Variants in GPR176 observed in about 807,000 individuals in gnomAD.
The protein encoded by GPR176 is G-protein coupled receptor 176.
A neutral mutation model predicts 35.4 loss-of-function variants in GPR176; 26 were observed. That is an observed-to-expected ratio of 0.74 (90% CI 0.54 to 1.02). The LOEUF (loss-of-function observed/expected upper bound fraction) is 1.02, where lower values mean the gene tolerates loss of function less well. Ranked by LOEUF, GPR176 falls within the 50% of genes least tolerant of loss-of-function variation. The pLI is 0.00. For synonymous variants in GPR176, 278 were observed against 271.3 expected (o/e 1.02, Z -0.24); for missense variants, 597 against 665.3 (o/e 0.90, Z 1.13).
At chr15:39,877,129 T>TA (rs1190797230) in intron 1 of GPR176, among the ~76,000 whole-genome samples, 2 of 152,130 alleles carry the variant, frequency 1.3e-5, no homozygotes, top group Non-Finnish European at 2.9e-5. Context: ...CTGAAACACC[T>TA]AAAAAAATCC....
intron 1 of GPR176, chr15:39,862,052 G>C (rs12593001): frequency 0.42 from 63,768 of 151,974 alleles, 14,001 homozygotes; most frequent in East Asian, 0.8. Context: ...GACCCTCTTG[G>C]CTTAGTCCCC....
At chr15:39,832,287 G>A (rs902974946) in intron 1 of GPR176, among the ~76,000 whole-genome samples, 1 of 152,108 alleles carries the variant, frequency 6.6e-6, no homozygotes, top group Non-Finnish European at 1.5e-5. Flanking sequence ...AAATGGGGCA[G>A]CCGCTTTAGG....
intron 2 of GPR176, among the ~76,000 whole-genome samples, chr15:39,806,629 G>C (rs527479008): frequency 6.6e-6 from 1 of 152,294 alleles, no homozygotes; most frequent in Admixed American, 6.5e-5. Context: ...TTCTTTCAGA[G>C]ATGTTCCATA....
chr15:39,873,497 G>A (rs553325265), intron 1 of GPR176, among the ~76,000 whole-genome samples: 6 of 152,192 alleles, frequency 3.9e-5, no homozygotes, highest in East Asian at 1.9e-4. Context: ...GCATAGAACC[G>A]AAAACTACAA....
At chr15:39,862,749 C>G (rs927825895) in intron 1 of GPR176, among the ~76,000 whole-genome samples, 5 of 152,182 alleles carry the variant, frequency 3.3e-5, no homozygotes, top group Admixed American at 6.5e-5. Flanking sequence ...TACAATTATG[C>G]ACAGTACATA....
intron 2 of GPR176, 54 bp from the exon 3 acceptor site, chr15:39,802,308 G>A: frequency 1.4e-6 from 2 of 1,386,258 alleles, no homozygotes. Context: ...TTAAATTAGG[G>A]GAACCTAAAT....
At chr15:39,850,189 A>G (rs1357914821) in intron 1 of GPR176, among the ~76,000 whole-genome samples, 2 of 152,168 alleles carry the variant, frequency 1.3e-5, no homozygotes, top group Non-Finnish European at 2.9e-5. Flanking sequence ...CTTTACAAAC[A>G]TTATATACTT....
chr15:39,893,414 T>C (rs969464617), intron 1 of GPR176, among the ~76,000 whole-genome samples: 1 of 151,886 alleles, frequency 6.6e-6, no homozygotes, highest in African/African-American at 2.4e-5. Context: ...GAGCACAGGG[T>C]TGGGGGTAAG....
intron 2 of GPR176, among the ~76,000 whole-genome samples, chr15:39,802,592 T>A (rs934776630): frequency 1.3e-5 from 2 of 152,240 alleles, no homozygotes; most frequent in African/African-American, 4.8e-5. Flanking sequence ...ACCCTCCATA[T>A]AAAAGATTTC....
chr15:39,823,371 C>T (rs1900406809), intron 1 of GPR176, among the ~76,000 whole-genome samples: 1 of 152,164 alleles, frequency 6.6e-6, no homozygotes, highest in Admixed American at 6.5e-5. Context: ...TTATCCATCT[C>T]AGAAAATGAT....
At chr15:39,883,791 G>T (rs541496128) in intron 1 of GPR176, among the ~76,000 whole-genome samples, 1 of 152,036 alleles carries the variant, frequency 6.6e-6, no homozygotes, top group East Asian at 1.9e-4. Context: ...AAGCAAATGG[G>T]ATCAGCAATC....
At chr15:39,876,281 T>G (rs1288919364) in intron 1 of GPR176, among the ~76,000 whole-genome samples, 4 of 152,172 alleles carry the variant, frequency 2.6e-5, no homozygotes, top group African/African-American at 9.7e-5. Flanking sequence ...TAACATATAT[T>G]CAAAATTGAT....
rs1162947729 is a variant in GPR176, at chr15:39,801,253, A to G, written c.1427T>C (p.Leu476Pro). Residue 476 changes from leucine (L) to proline (P), a missense_variant, in exon 3 of 3, where the codon CTT becomes CCT. Physicochemically the swap from Leu to Pro is moderately conservative, Grantham distance 98. Transcript: ENST00000561100. The part of the protein sequence containing the change: ...SETRNSKKRL[L>P]PPLGNTPEEL... ...TTCTGGGGTGTTGCCCAAGGGGGGA[A>G]GCAGCCGCTTCTTGCTGTTTCGGGT... 15 of 1,614,146 alleles carry G rather than the reference A, an allele frequency of 9.3e-6. No individual in the cohort carries two copies. The highest frequency in any genetic ancestry group is 1.3e-5 in the Non-Finnish European group (15 of 1,179,998).
At chr15:39,816,541 T>C (rs988676909) in intron 1 of GPR176, among the ~76,000 whole-genome samples, 1 of 152,202 alleles carries the variant, frequency 6.6e-6, no homozygotes, top group Non-Finnish European at 1.5e-5. Flanking sequence ...TCAAAAAAGA[T>C]ATCAATGACC....
intron 1 of GPR176, chr15:39,829,203 G>A (rs572502928): frequency 1.4e-5 from 22 of 1,526,670 alleles, no homozygotes; most frequent in Middle Eastern, 1.7e-4. Context: ...ACCTCACAAC[G>A]CAACCCCCAA....
intron 1 of GPR176, among the ~76,000 whole-genome samples, chr15:39,827,394 G>A (rs997729644): frequency 1.3e-5 from 2 of 152,294 alleles, no homozygotes; most frequent in African/African-American, 2.4e-5. Context: ...AGGCAAAAAA[G>A]GAGGGGCGGC....
chr15:39,875,690 C>A (rs930522729), intron 1 of GPR176, among the ~76,000 whole-genome samples: 1 of 152,042 alleles, frequency 6.6e-6, no homozygotes, highest in South Asian at 2.1e-4. Context: ...GTTTTAGTGC[C>A]GAGCCTCCTT....
chr15:39,913,979 G>A (rs1031006739), intron 1 of GPR176, among the ~76,000 whole-genome samples: 4 of 152,124 alleles, frequency 2.6e-5, no homozygotes, highest in African/African-American at 9.7e-5. Flanking sequence ...CTGGGAGGCG[G>A]ACCTCGCAGT....
At chr15:39,825,264 T>C (rs906719654) in intron 1 of GPR176, among the ~76,000 whole-genome samples, 1 of 152,150 alleles carries the variant, frequency 6.6e-6, no homozygotes, top group African/African-American at 2.4e-5. Flanking sequence ...AATCCCACCA[T>C]CTTAAGAAAA....
Sources: gnomAD v4.1 joint callset for allele counts (sites outside exome capture counted in the v4.1 genomes callset) on GRCh38, gnomAD v4.1.1 for gene constraint, MANE v1.5 for transcripts, NCBI Gene and HGNC (gene_info 2026-07-23, HGNC 2026-07-21) for gene names.